Variants in RB1CC1 observed in about 807,000 individuals in gnomAD.
RB1CC1 encodes the protein RB1-inducible coiled-coil protein 1.
A neutral mutation model predicts 177.5 loss-of-function variants in RB1CC1; 46 were observed. That is an observed-to-expected ratio of 0.26 (90% CI 0.20 to 0.33). RB1CC1 has a LOEUF of 0.33. Among genes scored for constraint, RB1CC1 ranks in the 10% least tolerant of loss-of-function variants. RB1CC1 has a pLI of 1.00. For synonymous variants in RB1CC1, 666 were observed against 613.6 expected (o/e 1.09, Z -1.26); for missense variants, 1,703 against 1,816.3 (o/e 0.94, Z 1.13).
At chr8:52,655,846 G>C (rs1163995540) in intron 15 of RB1CC1, among the ~76,000 whole-genome samples, 162 bp downstream of exon 15, 1 of 152,014 alleles carries the variant, frequency 6.6e-6, no homozygotes, top group Non-Finnish European at 1.5e-5. Flanking sequence ...TGTTATTTCT[G>C]TTTGCAAGAA....
chr8:52,633,380 CCAAA>C (rs1848900329), intron 20 of RB1CC1, among the ~76,000 whole-genome samples: 2 of 151,998 alleles, frequency 1.3e-5, no homozygotes, highest in African/African-American at 4.8e-5. Context: ...AAAATCGTTG[CCAAA>C]CAGAGCTTAT....
At chr8:52,630,335 A>C (rs1024379634) in intron 21 of RB1CC1, 135 bp downstream of exon 21, 19 of 1,048,086 alleles carry the variant, frequency 1.8e-5, no homozygotes, top group African/African-American at 6.8e-5. Context: ...CCAGTAAAAA[A>C]CTTTTACTAC....
At position 52,686,885 on chromosome 8, in the gene RB1CC1, C is replaced by T. The variant is rs1190136086; in HGVS notation, c.-84G>A. The stretch of plus-strand genomic sequence containing the variant: ...CACTGTGAAAAGGACTACCACTTTT[C>T]TTAAAAAGTAGATTAAAACTGGCTT... On this transcript the variant is annotated 5_prime_UTR_variant, in exon 2 of 24. Transcript: ENST00000025008. 2.2e-6 allele frequency: 1 copy of T among 456,368 alleles called. No individual in the cohort carries two copies. The highest frequency in any genetic ancestry group is 4.4e-6 in the Non-Finnish European group (1 of 226,910). 28.3% of individuals were successfully genotyped at this position (456,368 alleles called of 1,614,324 possible). A position where few individuals can be genotyped will look rare whatever the true frequency, so the allele number is the denominator to read the frequency against.
chr8:52,691,193 C>T (rs978867944), intron 1 of RB1CC1, among the ~76,000 whole-genome samples: 3 of 152,196 alleles, frequency 2.0e-5, no homozygotes, highest in African/African-American at 7.2e-5. Flanking sequence ...GCATGATCTA[C>T]AGCCAATATA....
At chr8:52,654,974 C>T (rs771853478) in intron 15 of RB1CC1, among the ~76,000 whole-genome samples, 8 of 152,154 alleles carry the variant, frequency 5.3e-5, no homozygotes, top group Admixed American at 1.3e-4. Context: ...ATTTTCCATA[C>T]TGCAATAGTG....
intron 15 of RB1CC1, among the ~76,000 whole-genome samples, chr8:52,655,216 A>T (rs1185155466): frequency 2.0e-5 from 3 of 152,164 alleles, no homozygotes; most frequent in African/African-American, 7.2e-5. Flanking sequence ...CCAATATATG[A>T]GTATTATAGA....
intron 7 of RB1CC1, among the ~76,000 whole-genome samples, chr8:52,670,957 A>AT (rs1323041410): frequency 2.0e-5 from 3 of 147,182 alleles, no homozygotes; most frequent in Non-Finnish European, 4.5e-5. Flanking sequence ...CTCCAACTCA[A>AT]AAAAAAAAAA....
At position 52,636,279 on chromosome 8, in the gene RB1CC1, TA is replaced by T. The variant is rs1849137588; in HGVS notation, c.4338-211del. Among the ~76,000 whole-genome samples, 3 of 152,196 alleles carry T rather than the reference TA, an allele frequency of 2.0e-5. No individual in the cohort carries two copies. In the South Asian group the frequency reaches 6.2e-4, roughly 31 times the overall value. ...TCTATAAACCTTTTGAAATAATAAG[TA>T]AAACTCTGTGTATGCATTTATCTAG... On this transcript the variant is annotated intron_variant, in intron 18 of 23. Transcript: ENST00000025008.
intron 8 of RB1CC1, among the ~76,000 whole-genome samples, chr8:52,667,353 C>A (rs1189977443): frequency 1.3e-5 from 2 of 151,916 alleles, no homozygotes; most frequent in Non-Finnish European, 2.9e-5. Flanking sequence ...TGAAAGAACA[C>A]AATTAGAGGA....
At chr8:52,687,536 G>T (rs1242153566) in intron 1 of RB1CC1, among the ~76,000 whole-genome samples, 3 of 152,134 alleles carry the variant, frequency 2.0e-5, no homozygotes, top group African/African-American at 7.2e-5. Context: ...CTCCCATCTT[G>T]CCAGCTGACT....
In RB1CC1 at chr8:52,623,565, CAA is replaced by C. The variant is rs905933196; in HGVS notation, c.*215_*216del. 3.7e-6 allele frequency: 2 copies of C among 542,650 alleles called. No individual in the cohort carries two copies. Among genetic ancestry groups the C allele is most frequent in the African/African-American group, 3.9e-5 (2 of 51,344 alleles). 33.6% of individuals were successfully genotyped at this position (542,650 alleles called of 1,614,324 possible). A position where few individuals can be genotyped will look rare whatever the true frequency, so the allele number is the denominator to read the frequency against. On this transcript the variant is annotated 3_prime_UTR_variant, in exon 24 of 24. Coordinates refer to ENST00000025008, the MANE Select transcript of RB1CC1 (RefSeq NM_014781.5). ...GAGTTGTCTGGGTAAAAAAAAAAACCAAAAAACAAAAACCATTTTAATTCAGC... is the reference window on the plus strand; with the variant it reads ...GAGTTGTCTGGGTAAAAAAAAAAACCAAAACAAAAACCATTTTAATTCAGC...
At chr8:52,698,421 C>G (rs1002192856) in intron 1 of RB1CC1, among the ~76,000 whole-genome samples, 1 of 151,536 alleles carries the variant, frequency 6.6e-6, no homozygotes, top group Admixed American at 6.6e-5. Flanking sequence ...CTCCCAGGTT[C>G]ACGCCATTCT....
rs532601618 is a variant in RB1CC1, at chr8:52,678,034, A to G, written c.370-1463T>C. Among the ~76,000 whole-genome samples the G allele has an allele frequency of 1.6e-4, 25 of 152,342 alleles. 1 individual carries two copies. In the South Asian group the frequency reaches 5.2e-3, roughly 32 times the overall value. On this transcript the variant is annotated intron_variant, in intron 5 of 23. Transcript: ENST00000025008. ...GAATTGTTAAAATTTATAAATGTAA[A>G]ATAAGTTCAACTGTAGCACTGTTTA...
At chr8:52,640,466 C>T (rs182778194) in intron 18 of RB1CC1, among the ~76,000 whole-genome samples, 145 of 152,256 alleles carry the variant, frequency 9.5e-4, no homozygotes, top group Admixed American at 1.7e-3. Context: ...ACACTGTAAA[C>T]CATAAATATG....
chr8:52,661,495 A>G lies in RB1CC1; in HGVS notation c.1358+40T>C, dbSNP rs377180855. The G allele has an allele frequency of 1.5e-4, 229 of 1,526,088 alleles. No homozygotes were observed. In the Middle Eastern group the frequency reaches 2.1e-3, roughly 14 times the overall value. 94.5% of individuals were successfully genotyped at this position (1,526,088 alleles called of 1,614,324 possible). On this transcript the variant is annotated intron_variant, in intron 9 of 23. Transcript: ENST00000025008. ...TTGGGAGAAATAAATATAAATACCA[A>G]TTCTAAACATCTTAAAACAGATATA...
At chr8:52,645,679 G>GA (rs1849954405) in intron 16 of RB1CC1, 23 bp downstream of exon 16, 1 of 1,597,010 alleles carries the variant, frequency 6.3e-7, no homozygotes, top group African/African-American at 1.4e-5. Context: ...GTTCTCAAAT[G>GA]AAATGGGAAA....
chr8:52,630,339 TTAC>T (rs1206493774), intron 21 of RB1CC1, 128 bp downstream of exon 21: 2 of 1,095,810 alleles, frequency 1.8e-6, no homozygotes, highest in African/African-American at 3.3e-5. Flanking sequence ...TAAAAAACTT[TTAC>T]TACTACTGAG....
At chr8:52,696,654 C>G (rs1271116998) in intron 1 of RB1CC1, among the ~76,000 whole-genome samples, 2 of 151,988 alleles carry the variant, frequency 1.3e-5, no homozygotes, top group Non-Finnish European at 2.9e-5. Flanking sequence ...AAGATAGAAC[C>G]CATGATAAAA....
At position 52,660,677 on chromosome 8, in the gene RB1CC1, A is replaced by T; in HGVS notation, c.1628-20T>A. 1 of 1,574,550 alleles carries T rather than the reference A, an allele frequency of 6.4e-7. No homozygotes were observed. The highest frequency in any genetic ancestry group is 8.6e-7 in the Non-Finnish European group (1 of 1,162,134). Reference sequence around the variant, plus strand: ...ACTTCCCTGTATAAAGAAATTAACAATATGGTTATTTTAGAGCTTTATTTA... The same window carrying T: ...ACTTCCCTGTATAAAGAAATTAACATTATGGTTATTTTAGAGCTTTATTTA... On this transcript the variant is annotated intron_variant, in intron 11 of 23. Transcript: ENST00000025008.
Sources: allele counts gnomAD v4.1 joint callset (sites outside exome capture counted in the v4.1 genomes callset), GRCh38; gene constraint gnomAD v4.1.1; transcripts MANE v1.5; gene names NCBI Gene and HGNC (gene_info 2026-07-23, HGNC 2026-07-21).